The following RANBP17 variants were observed in gnomAD, a reference collection of about 807,000 sequenced individuals.
The protein encoded by RANBP17 is RAN binding protein 17, also known as ran-binding protein 17.
Under a neutral mutation model 141.2 loss-of-function variants are expected in RANBP17, and 158 were observed. The observed-to-expected ratio is 1.12, with a 90% CI of 0.98 to 1.28. The LOEUF (loss-of-function observed/expected upper bound fraction) is 1.28, where lower values mean the gene tolerates loss of function less well. Ranked by LOEUF, RANBP17 falls within the 50% of genes most tolerant of loss-of-function variation. RANBP17 has a pLI of 0.00. For missense variants in RANBP17, 1,438 were observed against 1,290.7 expected, an observed-to-expected ratio of 1.11 and a Z score of -1.75; for synonymous variants, 430 against 450.0, an observed-to-expected ratio of 0.96 and a Z score of 0.56.
chr5:171,139,814 TGATTTTGCC>T (rs1268799405), intron 14 of RANBP17, among the ~76,000 whole-genome samples: 14 of 152,194 alleles, frequency 9.2e-5, no homozygotes, highest in African/African-American at 2.9e-4. Flanking sequence ...AATATAAACC[TGATTTTGCC>T]TTTCTGCCTG....
chr5:171,261,257 A>T (rs1187653569), intron 24 of RANBP17, among the ~76,000 whole-genome samples: 1 of 152,174 alleles, frequency 6.6e-6, no homozygotes, highest in African/African-American at 2.4e-5. Flanking sequence ...AACCTTACAA[A>T]GCAGGTAATA....
At chr5:170,878,499 A>G (rs887952064) in intron 2 of RANBP17, among the ~76,000 whole-genome samples, 1 of 152,058 alleles carries the variant, frequency 6.6e-6, no homozygotes, top group East Asian at 2.0e-4. Flanking sequence ...GTCTCTTTTT[A>G]TGTCTCATAT....
At chr5:171,226,453 A>T (rs1453811867) in intron 22 of RANBP17, among the ~76,000 whole-genome samples, 2 of 152,228 alleles carry the variant, frequency 1.3e-5, no homozygotes, top group Non-Finnish European at 2.9e-5. Flanking sequence ...ACAAGCTATG[A>T]TTATTCACTG....
Position 170,892,656 on chromosome 5 carries a change from AC to A in RANBP17, c.423+105del, listed in dbSNP as rs1343469400. 2.0e-5 allele frequency: 15 copies of A among 765,008 alleles called. No individual in the cohort carries two copies. In the East Asian group the frequency reaches 4.1e-4, roughly 21 times the overall value. 47.4% of individuals were successfully genotyped at this position (765,008 alleles called of 1,614,324 possible). On this transcript the variant is annotated intron_variant, in intron 4 of 27. Transcript: ENST00000523189. Reference sequence around the variant, plus strand: ...TATAGTTTGTTTTGTGACTACCAGTACCATGTTAATTATGATTTATTATTTA... The same window carrying A: ...TATAGTTTGTTTTGTGACTACCAGTACATGTTAATTATGATTTATTATTTA...
intron 14 of RANBP17, among the ~76,000 whole-genome samples, chr5:171,123,731 A>G (rs1430742152): frequency 6.6e-6 from 1 of 152,194 alleles, no homozygotes; most frequent in Non-Finnish European, 1.5e-5. Context: ...CTCCGCTAAC[A>G]ACTGTGGCCT....
chr5:170,862,163 G>T, intron 1 of RANBP17, 112 bp downstream of exon 1: 1 of 1,146,924 alleles, frequency 8.7e-7, no homozygotes, highest in Admixed American at 4.2e-5. Context: ...GCCGTGGGCC[G>T]GTGTCCCCGG....
intron 21 of RANBP17, among the ~76,000 whole-genome samples, chr5:171,215,206 C>A (rs952506529): frequency 1.4e-4 from 22 of 152,250 alleles, no homozygotes; most frequent in Admixed American, 2.6e-4. Flanking sequence ...CTTCCAGCTT[C>A]ATCCATGTCC....
At chr5:170,990,046 A>C (rs1279445470) in intron 14 of RANBP17, among the ~76,000 whole-genome samples, 1 of 151,836 alleles carries the variant, frequency 6.6e-6, no homozygotes, top group African/African-American at 2.4e-5. Context: ...GTCCAAGTTA[A>C]AGTGCTTAAC....
intron 15 of RANBP17, among the ~76,000 whole-genome samples, chr5:171,170,806 G>A (rs1388015952): frequency 1.3e-5 from 2 of 152,148 alleles, no homozygotes; most frequent in East Asian, 1.9e-4. Context: ...ATAAACAGTC[G>A]TGATCATAAG....
chr5:171,221,790 C>G lies in RANBP17; in HGVS notation c.2372C>G (p.Pro791Arg). The G allele has an allele frequency of 6.2e-7, 1 of 1,611,562 alleles. No individual in the cohort carries two copies. Among genetic ancestry groups the G allele is most frequent in the Non-Finnish European group, 8.5e-7 (1 of 1,178,254 alleles). ...CGTTTGAATTTTGATGTATCATCTC[C>G]TAATGGAATTCTTCTCTTCAGAGAA... ...SQRLNFDVSSPNGILLFREAS... is the reference protein window; with the variant it reads ...SQRLNFDVSSRNGILLFREAS... Residue 791 changes from proline (P) to arginine (R), a missense_variant, in exon 22 of 28, where the codon CCT (proline) becomes CGT (arginine). By Grantham distance (103) the Pro-to-Arg change is moderately radical. Coordinates refer to ENST00000523189, the MANE Select transcript of RANBP17 (RefSeq NM_022897.5).
At chr5:171,135,064 T>C (rs566428398) in intron 14 of RANBP17, among the ~76,000 whole-genome samples, 1 of 150,440 alleles carries the variant, frequency 6.6e-6, no homozygotes, top group Non-Finnish European at 1.5e-5. Context: ...AGATGAGGAG[T>C]TCAAGACCAG....
intron 22 of RANBP17, among the ~76,000 whole-genome samples, chr5:171,231,169 A>G (rs1764187267): frequency 6.7e-6 from 1 of 149,912 alleles, no homozygotes; most frequent in Non-Finnish European, 1.5e-5. Context: ...GCTTTTCTCA[A>G]AACTCCTTAC....
chr5:171,279,767 T>TG (rs1767740055), intron 25 of RANBP17, among the ~76,000 whole-genome samples: 1 of 152,162 alleles, frequency 6.6e-6, no homozygotes, highest in Non-Finnish European at 1.5e-5. Flanking sequence ...CTGCAGTGAC[T>TG]GTATGAGAGA....
At chr5:171,174,320 A>G (rs994201801) in intron 16 of RANBP17, among the ~76,000 whole-genome samples, 5 of 152,158 alleles carry the variant, frequency 3.3e-5, no homozygotes, top group Admixed American at 1.3e-4. Context: ...GCTGTGTTCA[A>G]GTTCAGTACT....
At chr5:171,168,737 G>A (rs1759881827) in intron 14 of RANBP17, among the ~76,000 whole-genome samples, 1 of 152,136 alleles carries the variant, frequency 6.6e-6, no homozygotes, top group South Asian at 2.1e-4. Flanking sequence ...ACTCTCATGG[G>A]CAAAGTCACA....
At chr5:170,931,138 G>C (rs1345613579) in intron 12 of RANBP17, among the ~76,000 whole-genome samples, 1 of 152,262 alleles carries the variant, frequency 6.6e-6, no homozygotes, top group African/African-American at 2.4e-5. Flanking sequence ...TTGTGGTTTT[G>C]ATTTGCATTT....
At chr5:171,050,643 C>T (rs1352531381) in intron 14 of RANBP17, among the ~76,000 whole-genome samples, 2 of 152,006 alleles carry the variant, frequency 1.3e-5, no homozygotes, top group East Asian at 1.9e-4. Context: ...GGAGTGAGAT[C>T]GTGCCACTGC....
intron 16 of RANBP17, among the ~76,000 whole-genome samples, chr5:171,171,699 C>A (rs932450317): frequency 4.0e-5 from 6 of 151,888 alleles, no homozygotes; most frequent in Non-Finnish European, 5.9e-5. Flanking sequence ...AACTGCATTC[C>A]TGTGAGTAAA....
chr5:171,068,375 C>T (rs1240176140), intron 14 of RANBP17, among the ~76,000 whole-genome samples: 1 of 152,088 alleles, frequency 6.6e-6, no homozygotes, highest in Admixed American at 6.6e-5. Context: ...AAGTCTTTGT[C>T]TAGTAAATCC....
Sources: gnomAD v4.1 joint callset for allele counts (sites outside exome capture counted in the v4.1 genomes callset) on GRCh38, gnomAD v4.1.1 for gene constraint, MANE v1.5 for transcripts, NCBI Gene and HGNC (gene_info 2026-07-23, HGNC 2026-07-21) for gene names.